Variants in NR5A2 observed in about 807,000 individuals in gnomAD.
NR5A2 encodes nuclear receptor subfamily 5 group A member 2.
In NR5A2, 26 loss-of-function variants were observed where a neutral mutation model predicts 62.7. The observed-to-expected ratio is 0.41, with a 90% CI of 0.30 to 0.58. The LOEUF is 0.58. NR5A2 is among the 20% of genes least tolerant of loss of function. NR5A2 has a pLI of 0.22. For missense variants in NR5A2, 541 were observed against 669.1 expected, an observed-to-expected ratio of 0.81 and a Z score of 2.11; for synonymous variants, 246 against 241.7, an observed-to-expected ratio of 1.02 and a Z score of -0.16.
chr1:200,092,471 C>T (rs1488376121), intron 5 of NR5A2, among the ~76,000 whole-genome samples: 1 of 152,034 alleles, frequency 6.6e-6, no homozygotes, highest in Non-Finnish European at 1.5e-5. Flanking sequence ...GCACTTACTC[C>T]GGGATGAAAT....
At chr1:200,169,445 T>C (rs1411668390) in intron 7 of NR5A2, among the ~76,000 whole-genome samples, 9 of 152,152 alleles carry the variant, frequency 5.9e-5, no homozygotes, top group Middle Eastern at 3.2e-3. Context: ...ACAAGGTTTA[T>C]AGGCTGCACC....
At chr1:200,049,296 A>G (rs1467887136) in intron 5 of NR5A2, among the ~76,000 whole-genome samples, 1 of 152,216 alleles carries the variant, frequency 6.6e-6, no homozygotes, top group Non-Finnish European at 1.5e-5. Flanking sequence ...ACCACTGGTT[A>G]GTAGTATCAA....
At chr1:200,060,373 G>C (rs1180510840) in intron 5 of NR5A2, among the ~76,000 whole-genome samples, 1 of 152,156 alleles carries the variant, frequency 6.6e-6, no homozygotes, top group Non-Finnish European at 1.5e-5. Flanking sequence ...CCAGAGAAGG[G>C]CTGCAGTTAA....
chr1:200,042,924 G>A (rs1043461794), intron 2 of NR5A2: 1 of 985,384 alleles, frequency 1.0e-6, no homozygotes, highest in Non-Finnish European at 1.2e-6. Flanking sequence ...CGCGCGTCGT[G>A]GCGGCCTGAT....
At chr1:200,129,200 T>C (rs1000009310) in intron 7 of NR5A2, among the ~76,000 whole-genome samples, 6 of 152,110 alleles carry the variant, frequency 3.9e-5, no homozygotes, top group Non-Finnish European at 8.8e-5. Flanking sequence ...CCATCATATA[T>C]GGGAACTCTG....
chr1:200,144,385 A>G (rs2821343), intron 7 of NR5A2, among the ~76,000 whole-genome samples: 45,554 of 151,902 alleles, frequency 0.3, 7,072 homozygotes, highest in Admixed American at 0.36. Flanking sequence ...CTGTTGCCCA[A>G]CAAACTGAGC....
chr1:200,123,610 C>T (rs1054795529), intron 7 of NR5A2, among the ~76,000 whole-genome samples: 4 of 152,158 alleles, frequency 2.6e-5, no homozygotes, highest in Non-Finnish European at 5.9e-5. Flanking sequence ...GGAAGTATAG[C>T]AGTGTTCTTA....
intron 6 of NR5A2, among the ~76,000 whole-genome samples, chr1:200,120,583 C>A (rs183191665): frequency 1.3e-5 from 2 of 152,280 alleles, no homozygotes; most frequent in Admixed American, 6.5e-5. Context: ...TGTGGCCAGG[C>A]ATGGTGGCTT....
intron 1 of NR5A2, among the ~76,000 whole-genome samples, chr1:200,036,398 G>A (rs1324072558): frequency 6.6e-6 from 1 of 152,162 alleles, no homozygotes; most frequent in Non-Finnish European, 1.5e-5. Flanking sequence ...CAGCAGAATT[G>A]AAGGGTCAAA....
chr1:200,141,543 T>G (rs576569770), intron 7 of NR5A2, among the ~76,000 whole-genome samples: 123 of 152,344 alleles, frequency 8.1e-4, no homozygotes, highest in African/African-American at 2.8e-3. Context: ...CATTCAGTTT[T>G]GGGGTACTAC....
intron 5 of NR5A2, among the ~76,000 whole-genome samples, chr1:200,087,068 G>A (rs934059335): frequency 4.6e-5 from 7 of 152,010 alleles, no homozygotes; most frequent in East Asian, 3.9e-4. Flanking sequence ...GGACAATATC[G>A]GGTAGACAAA....
chr1:200,036,680 C>A (rs537222809), intron 1 of NR5A2, among the ~76,000 whole-genome samples: 1 of 152,268 alleles, frequency 6.6e-6, no homozygotes, highest in East Asian at 1.9e-4. Flanking sequence ...TCCAGGGGAT[C>A]TGAAATAGGG....
intron 7 of NR5A2, among the ~76,000 whole-genome samples, chr1:200,123,228 T>C (rs1398814943): frequency 6.6e-6 from 1 of 152,186 alleles, no homozygotes; most frequent in Non-Finnish European, 1.5e-5. Context: ...GGGTCTATTC[T>C]GAGAGATGAC....
intron 7 of NR5A2, among the ~76,000 whole-genome samples, chr1:200,123,324 G>A (rs76610064): frequency 0.045 from 6,794 of 152,314 alleles, 349 homozygotes; most frequent in East Asian, 0.25. Context: ...CCAAGCGGGT[G>A]CAGCGTTCCA....
rs2816915 is a variant in NR5A2 at position 200,065,385 on chromosome 1, C to T, written c.1110+16567C>T. ...TCTCTAACTCCTGACCTCAGGTGAT[C>T]CACCACCTCGGCCTCCCAAAATGTT... On this transcript the variant is annotated intron_variant, in intron 5 of 7. Coordinates refer to ENST00000367362, the MANE Select transcript of NR5A2 (RefSeq NM_205860.3). 8.7e-3 allele frequency among the ~76,000 whole-genome samples: 1,328 copies of T among 152,114 alleles called. 10 individuals are homozygous for T. Among genetic ancestry groups the T allele is most frequent in the Middle Eastern group, 0.024 (7 of 294 alleles).
intron 5 of NR5A2, among the ~76,000 whole-genome samples, chr1:200,079,505 C>T (rs12031812): frequency 0.02 from 2,986 of 152,356 alleles, 40 homozygotes; most frequent in East Asian, 0.05. Context: ...AGCGATTCCA[C>T]AAGCCTCTCA....
intron 1 of NR5A2, among the ~76,000 whole-genome samples, chr1:200,038,465 G>C (rs1413247550): frequency 1.3e-5 from 2 of 152,092 alleles, no homozygotes; most frequent in Non-Finnish European, 2.9e-5. Flanking sequence ...GCTGACCCTC[G>C]GCCCCTTCAG....
intron 5 of NR5A2, among the ~76,000 whole-genome samples, chr1:200,105,000 C>T (rs1265876449): frequency 2.0e-5 from 3 of 151,882 alleles, no homozygotes; most frequent in East Asian, 1.9e-4. Flanking sequence ...TGCTCTGTTG[C>T]GCAGACTGAG....
intron 1 of NR5A2, chr1:200,038,811 C>G (rs753174018): frequency 1.0e-5 from 13 of 1,277,040 alleles, no homozygotes; most frequent in African/African-American, 1.5e-5. Flanking sequence ...CGCCCCGGGC[C>G]AGGGTGGGGT....
Sources: gnomAD v4.1 joint callset for allele counts (sites outside exome capture counted in the v4.1 genomes callset) on GRCh38, gnomAD v4.1.1 for gene constraint, MANE v1.5 for transcripts, NCBI Gene and HGNC (gene_info 2026-07-23, HGNC 2026-07-21) for gene names.